The following NBEA variants were observed in gnomAD, a reference collection of about 807,000 sequenced individuals.
The protein encoded by NBEA is neurobeachin.
A neutral mutation model predicts 343.4 loss-of-function variants in NBEA; 44 were observed. The observed-to-expected ratio is 0.13, with a 90% confidence interval of 0.10 to 0.16. NBEA has a LOEUF of 0.16. Among genes scored for constraint, NBEA ranks in the 10% least tolerant of loss-of-function variants. The pLI, the probability that NBEA is intolerant of heterozygous loss-of-function variation, is 1.00. For synonymous variants in NBEA, 1,175 were observed against 1,238.7 expected (o/e 0.95, Z 1.08); for missense variants, 2,555 against 3,631.3 (o/e 0.70, Z 7.62).
chr13:35,477,000 T>A, intron 41 of NBEA: 1 of 181,772 alleles, frequency 5.5e-6, no homozygotes, highest in Non-Finnish European at 1.2e-5. Flanking sequence ...CTTTTACCGC[T>A]GAAATGCAAA....
chr13:35,137,813 G>A (rs1043627230), intron 17 of NBEA, among the ~76,000 whole-genome samples: 2 of 151,924 alleles, frequency 1.3e-5, no homozygotes, highest in African/African-American at 4.8e-5. Flanking sequence ...TGAAAAATGA[G>A]TTAAAATAAA....
intron 7 of NBEA, 67 bp downstream of exon 7, chr13:35,056,196 A>G (rs2063252694): frequency 1.6e-6 from 2 of 1,256,904 alleles, no homozygotes; most frequent in Non-Finnish European, 2.1e-6. Context: ...TACAATATGA[A>G]TTAAATAATA....
chr13:35,240,978 A>G (rs1566505585), intron 34 of NBEA, among the ~76,000 whole-genome samples: 1 of 151,850 alleles, frequency 6.6e-6, no homozygotes, highest in Non-Finnish European at 1.5e-5. Context: ...AAATTCTTGA[A>G]TGACGTTAAA....
chr13:35,032,766 G>A (rs2062283040), intron 1 of NBEA, among the ~76,000 whole-genome samples: 1 of 151,668 alleles, frequency 6.6e-6, no homozygotes, highest in Non-Finnish European at 1.5e-5. Flanking sequence ...GTGATGTTGA[G>A]TATCTTTCAT....
chr13:35,178,113 G>C (rs1236026962), intron 28 of NBEA, among the ~76,000 whole-genome samples: 1 of 151,652 alleles, frequency 6.6e-6, no homozygotes, highest in East Asian at 1.9e-4. Context: ...ACACAGGAGT[G>C]AGAGATTTTT....
chr13:35,274,711 C>A (rs796695749), intron 34 of NBEA, among the ~76,000 whole-genome samples: 53 of 151,464 alleles, frequency 3.5e-4, no homozygotes, highest in African/African-American at 1.2e-3. Flanking sequence ...CATTCCTATA[C>A]ACCAGTAATA....
At chr13:35,215,756 G>A (rs1187575695) in intron 33 of NBEA, among the ~76,000 whole-genome samples, 1 of 151,460 alleles carries the variant, frequency 6.6e-6, no homozygotes, top group Non-Finnish European at 1.5e-5. Context: ...GTCACTTGTA[G>A]CTTTAGTATT....
chr13:35,493,028 G>A (rs770264640), intron 41 of NBEA, among the ~76,000 whole-genome samples: 1 of 151,910 alleles, frequency 6.6e-6, no homozygotes, highest in African/African-American at 2.4e-5. Context: ...GAAATACAAA[G>A]AAATCAAAGA....
chr13:35,110,848 T>C lies in NBEA; in HGVS notation c.1872T>C (p.Phe624=). 1 of 1,612,492 alleles carries C rather than the reference T, an allele frequency of 6.2e-7. No individual in the cohort carries two copies. Reference sequence around the variant, plus strand: ...TATACACATATTTGTCTGCTGAATTTATTGGAACTGCTACCATCTACACCA... The same window carrying C: ...TATACACATATTTGTCTGCTGAATTCATTGGAACTGCTACCATCTACACCA... ...LSLYTYLSAE[F]IGTATIYTTI... The change falls in exon 13 of 59, where the codon TTT becomes TTC. Residue 624 remains phenylalanine, a synonymous_variant. Coordinates refer to ENST00000379939, the MANE Select transcript of NBEA (RefSeq NM_001385012.1).
At chr13:35,121,151 C>T (rs558751952) in intron 16 of NBEA, among the ~76,000 whole-genome samples, 1 of 152,118 alleles carries the variant, frequency 6.6e-6, no homozygotes, top group East Asian at 1.9e-4. Context: ...GTTGTCTAGG[C>T]TGGAGTGCAG....
intron 1 of NBEA, among the ~76,000 whole-genome samples, chr13:34,959,123 C>G (rs2059583067): frequency 6.6e-6 from 1 of 151,984 alleles, no homozygotes; most frequent in Admixed American, 6.6e-5. Context: ...AATACAGTAA[C>G]TAATTATGAA....
intron 52 of NBEA, among the ~76,000 whole-genome samples, chr13:35,650,064 A>C (rs1301794064): frequency 6.6e-6 from 1 of 152,190 alleles, no homozygotes; most frequent in Non-Finnish European, 1.5e-5. Flanking sequence ...ATCATAGTCA[A>C]CTACTCAGTA....
intron 8 of NBEA, among the ~76,000 whole-genome samples, chr13:35,063,188 A>G (rs914636831): frequency 5.9e-5 from 9 of 152,054 alleles, no homozygotes; most frequent in African/African-American, 2.2e-4. Context: ...TCACTAATTC[A>G]TCCATTCATT....
At chr13:34,966,002 G>A (rs2059809076) in intron 1 of NBEA, among the ~76,000 whole-genome samples, 2 of 151,868 alleles carry the variant, frequency 1.3e-5, no homozygotes, top group Admixed American at 1.3e-4. Context: ...TTACATTAAA[G>A]GTATACATCA....
chr13:35,601,846 A>G (rs1281345007), intron 47 of NBEA, among the ~76,000 whole-genome samples: 8 of 151,670 alleles, frequency 5.3e-5, no homozygotes, highest in Non-Finnish European at 2.9e-5. Flanking sequence ...ATATAGGAGC[A>G]GGAAACCTGG....
chr13:35,299,250 T>C (rs898784206), intron 35 of NBEA, among the ~76,000 whole-genome samples: 4 of 152,294 alleles, frequency 2.6e-5, no homozygotes, highest in Admixed American at 2.0e-4. Flanking sequence ...CATTTTTCCT[T>C]GTAATTTTTT....
chr13:35,472,672 A>C, intron 41 of NBEA, 136 bp downstream of exon 41: 1 of 833,786 alleles, frequency 1.2e-6, no homozygotes, highest in Non-Finnish European at 1.9e-6. Context: ...AATGAATGAA[A>C]TAGCATGTTC....
At chr13:35,008,142 T>C (rs993699581) in intron 1 of NBEA, among the ~76,000 whole-genome samples, 2 of 152,188 alleles carry the variant, frequency 1.3e-5, no homozygotes, top group Non-Finnish European at 2.9e-5. Context: ...TTGTGCCTGG[T>C]CTCTGCAAGG....
At chr13:35,453,297 T>C (rs928958303) in intron 40 of NBEA, among the ~76,000 whole-genome samples, 3 of 152,246 alleles carry the variant, frequency 2.0e-5, no homozygotes, top group East Asian at 3.8e-4. Context: ...TTTATTCTAA[T>C]GCTAGTTCCT....
Sources: allele counts gnomAD v4.1 joint callset (sites outside exome capture counted in the v4.1 genomes callset), GRCh38; gene constraint gnomAD v4.1.1; transcripts MANE v1.5; gene names NCBI Gene and HGNC (gene_info 2026-07-23, HGNC 2026-07-21).